The following PCGF3 variants were observed in gnomAD, a reference collection of about 807,000 sequenced individuals.
The protein encoded by PCGF3 is polycomb group ring finger 3.
Under a neutral mutation model 33.1 loss-of-function variants are expected in PCGF3, and 7 were observed. The observed-to-expected ratio is 0.21, with a 90% CI of 0.12 to 0.40. PCGF3 has a LOEUF of 0.40. PCGF3 is among the 10% of genes least tolerant of loss of function. The pLI is 1.00. For synonymous variants in PCGF3, 153 were observed against 121.3 expected (o/e 1.26, Z -1.72); for missense variants, 211 against 313.3 (o/e 0.67, Z 2.46).
chr4:747,713 G>A (rs560462740), intron 8 of PCGF3, among the ~76,000 whole-genome samples: 3 of 151,724 alleles, frequency 2.0e-5, no homozygotes, highest in East Asian at 3.9e-4. Flanking sequence ...GCAGGTGGGC[G>A]GGGCCCCGGG....
intron 8 of PCGF3, among the ~76,000 whole-genome samples, chr4:758,712 G>C (rs1577442364): frequency 4.6e-5 from 2 of 43,028 alleles, no homozygotes; most frequent in Non-Finnish European, 5.4e-5. Flanking sequence ...TTCTCCTTCC[G>C]GACTCCGGGT....
At position 720,609 on chromosome 4, in the gene PCGF3, C is replaced by T. The variant is rs898904912; in HGVS notation, c.-189-10021C>T. ...ACGGGCAGTGACGTGCGTGTGGACC[C>T]GGGGTGGACGGGCGGTGACGTGCGT... On this transcript the variant is annotated intron_variant, in intron 1 of 10. Coordinates refer to ENST00000362003, the Ensembl canonical transcript of PCGF3. The surrounding 1 kb of genome is among the most constrained non-coding windows in gnomAD (Gnocchi z 5.6). Among the ~76,000 whole-genome samples, 7 of 150,350 alleles carry T rather than the reference C, an allele frequency of 4.7e-5. No homozygotes were observed. Among genetic ancestry groups the T allele is most frequent in the Middle Eastern group, 3.4e-3 (1 of 290 alleles).
intron 8 of PCGF3, among the ~76,000 whole-genome samples, 176 bp downstream of exon 8, chr4:744,864 G>A (rs1249221432): frequency 7.6e-4 from 11 of 14,490 alleles, no homozygotes; most frequent in Non-Finnish European, 1.1e-3. Context: ...GAGCAGGTGG[G>A]CGGGGCCCCG....
At chr4:763,274 T>C (rs1418018678) in intron 9 of PCGF3, among the ~76,000 whole-genome samples, 3 of 152,118 alleles carry the variant, frequency 2.0e-5, no homozygotes, top group Non-Finnish European at 4.4e-5. Context: ...TCCTTGGATT[T>C]TCATGTGGAG....
intron 9 of PCGF3, chr4:761,922 CAG>C (rs1745082911): frequency 2.0e-6 from 2 of 985,286 alleles, no homozygotes; most frequent in Non-Finnish European, 2.4e-6. Flanking sequence ...TGCATGGAGA[CAG>C]AAGGCGCTGG....
intron 1 of PCGF3, among the ~76,000 whole-genome samples, chr4:715,229 G>A (rs1366092618): frequency 7.4e-6 from 1 of 134,606 alleles, no homozygotes; most frequent in Non-Finnish European, 1.6e-5. Context: ...CTGGGACCCT[G>A]TAGACACTGA....
At chr4:764,855 CCA>C in intron 9 of PCGF3, 127 bp from the exon 10 acceptor site, 3 of 647,010 alleles carry the variant, frequency 4.6e-6, no homozygotes, top group Non-Finnish European at 5.7e-6. Flanking sequence ...CCAGCCCCCC[CCA>C]CCCCATCTCT....
chr4:713,738 G>A (rs772963167), intron 1 of PCGF3, among the ~76,000 whole-genome samples: 4 of 152,144 alleles, frequency 2.6e-5, no homozygotes, highest in Admixed American at 1.3e-4. Flanking sequence ...GTTCTGAGGC[G>A]GCATGAGTAT....
chr4:743,984 C>T (rs1744205851), intron 7 of PCGF3: 2 of 171,410 alleles, frequency 1.2e-5, no homozygotes, highest in Non-Finnish European at 2.5e-5. Flanking sequence ...TCACAACAAA[C>T]GTTCATGTCT....
At chr4:707,151 A>G (rs1742342372) in intron 1 of PCGF3, among the ~76,000 whole-genome samples, 1 of 149,268 alleles carries the variant, frequency 6.7e-6, no homozygotes, top group Non-Finnish European at 1.5e-5. Flanking sequence ...GGGACAGGTC[A>G]CCGAGAAGGG....
chr4:734,047 A>G, intron 4 of PCGF3: 1 of 1,550,680 alleles, frequency 6.4e-7, no homozygotes, highest in Non-Finnish European at 8.7e-7. Flanking sequence ...CCTCCCACGG[A>G]GCAGCAAGGC....
rs1560198797 is a variant in PCGF3 at position 721,506 on chromosome 4, AAGAG to A, written c.-189-9119_-189-9116del. Among the ~76,000 whole-genome samples, 1 of 151,814 alleles carries A rather than the reference AAGAG, an allele frequency of 6.6e-6. No individual in the cohort carries two copies. Among genetic ancestry groups the A allele is most frequent in the Non-Finnish European group, 1.5e-5 (1 of 67,926 alleles). On this transcript the variant is annotated intron_variant, in intron 1 of 10. Transcript: ENST00000362003. This position sits in a 1 kb window ranked among gnomAD's most constrained non-coding sequence, Gnocchi z 4.1. ...CAGAGGGTGCCGGGGTGGAGAGCGG[AAGAG>A]AGAGGGAGTCGGTGCCTTAGGAGGC...
intron 1 of PCGF3, among the ~76,000 whole-genome samples, 156 bp downstream of exon 1, chr4:706,126 G>A (rs558226228): frequency 2.6e-4 from 40 of 152,366 alleles, no homozygotes; most frequent in Middle Eastern, 3.4e-3. Context: ...GCCCGGGAGG[G>A]CCGGCACCCC....
intron 1 of PCGF3, among the ~76,000 whole-genome samples, chr4:725,821 T>G (rs1299457154): frequency 6.6e-6 from 1 of 152,082 alleles, no homozygotes; most frequent in Non-Finnish European, 1.5e-5. Context: ...TCAGCGCTCG[T>G]CCCCGGGTCC....
At chr4:732,946 G>T (rs1484479601) in intron 3 of PCGF3, among the ~76,000 whole-genome samples, 3 of 152,216 alleles carry the variant, frequency 2.0e-5, no homozygotes, top group Non-Finnish European at 4.4e-5. Context: ...CCCCGAAGGC[G>T]CAGGTCTGGT....
intron 1 of PCGF3, among the ~76,000 whole-genome samples, chr4:724,872 G>C (rs2109566028): frequency 1.3e-5 from 2 of 152,148 alleles, no homozygotes; most frequent in African/African-American, 4.8e-5. Context: ...GGCTGAGACA[G>C]AATTGCTTGA....
intron 8 of PCGF3, among the ~76,000 whole-genome samples, chr4:755,601 T>C (rs1744734116): frequency 1.3e-5 from 2 of 152,230 alleles, no homozygotes; most frequent in South Asian, 4.1e-4. Flanking sequence ...TTCCCCATTC[T>C]AAGGTCATAA....
intron 1 of PCGF3, among the ~76,000 whole-genome samples, chr4:717,123 A>G (rs371725372): frequency 0.062 from 1,037 of 16,726 alleles, 32 homozygotes; most frequent in Middle Eastern, 0.25. Context: ...TAGACACTGA[A>G]TGTGAGAACT....
chr4:751,575 T>C (rs1744514885), intron 8 of PCGF3, among the ~76,000 whole-genome samples: 1 of 151,348 alleles, frequency 6.6e-6, no homozygotes, highest in Non-Finnish European at 1.5e-5. Flanking sequence ...CCTCAGTCAC[T>C]CGGATGAACT....
Sources: allele counts gnomAD v4.1 joint callset (sites outside exome capture counted in the v4.1 genomes callset), GRCh38; gene constraint gnomAD v4.1.1; non-coding constraint Gnocchi (gnomAD v3.1); transcripts MANE v1.5; gene names NCBI Gene and HGNC (gene_info 2026-07-23, HGNC 2026-07-21).